ELAVL3: variants seen among roughly 807,000 people sequenced by gnomAD.
ELAVL3 encodes ELAV-like protein 3.
In ELAVL3, 8 loss-of-function variants were observed where a neutral mutation model predicts 34.2. That is an observed-to-expected ratio of 0.23 (90% CI 0.14 to 0.42). The LOEUF (loss-of-function observed/expected upper bound fraction) is 0.42. Ranked by LOEUF, ELAVL3 falls within the 10% of genes least tolerant of loss-of-function variation. The pLI, the probability that ELAVL3 is intolerant of heterozygous loss-of-function variation, is 1.00. For missense variants in ELAVL3, 273 were observed against 518.8 expected, an observed-to-expected ratio of 0.53 and a Z score of 4.60; for synonymous variants, 209 against 222.1, an observed-to-expected ratio of 0.94 and a Z score of 0.53.
At position 11,451,444 on chromosome 19, in the gene ELAVL3, C is replaced by T. The variant is rs1490304441; in HGVS notation, c.*3082G>A. 4 of 148,986 alleles carry T rather than the reference C, an allele frequency of 2.7e-5. No homozygotes were observed. Among genetic ancestry groups the T allele is most frequent in the South Asian group, 2.1e-4 (1 of 4,760 alleles). 9.2% of individuals were successfully genotyped at this position (148,986 alleles called of 1,614,324 possible). A position where few individuals can be genotyped will look rare whatever the true frequency, so the allele number is the denominator to read the frequency against. On this transcript the variant is annotated 3_prime_UTR_variant, in exon 7 of 7. Transcript: ENST00000359227. ...CCGGTAATAAATAGTCTAAACGCAA[C>T]GCGAAGTGTTCTTGTTGGGTTTTTT...
intron 1 of ELAVL3, among the ~76,000 whole-genome samples, chr19:11,477,832 G>A (rs1052922608): frequency 4.6e-5 from 7 of 151,968 alleles, no homozygotes; most frequent in African/African-American, 1.7e-4. Flanking sequence ...GGGACCACAG[G>A]TGTGCACCAT....
chr19:11,454,468 TTTCTCTCTCTC>T lies in ELAVL3; in HGVS notation c.*47_*57del. 7.6e-7 allele frequency: 1 copy of T among 1,313,600 alleles called. No homozygotes were observed. The highest frequency in any genetic ancestry group is 2.4e-5 in the Admixed American group (1 of 41,636). The allele number at this position is 1,313,600 out of a possible 1,614,324, so 81.4% of individuals were successfully genotyped here. A position where few individuals can be genotyped will look rare whatever the true frequency, so the allele number is the denominator to read the frequency against. ...GGCCCCTTCTCTCTCTCTCTCTCTC[TTTCTCTCTCTC>T]TCTCTCTGCTGCCCGGGGAGGGGGT... On this transcript the variant is annotated 3_prime_UTR_variant, in exon 7 of 7. Coordinates refer to ENST00000359227, the MANE Select transcript of ELAVL3 (RefSeq NM_001420.4). This position sits in a 1 kb window ranked among gnomAD's most constrained non-coding sequence, Gnocchi z 9.2.
Position 11,457,094 on chromosome 19 carries a change from G to A in ELAVL3, c.752+16C>T. ...GATGGTGAGGGGTGGGGACAGTGGG[G>A]CGGGGTCACTGTTACCTCTTGACGC... On this transcript the variant is annotated intron_variant, in intron 6 of 6. Coordinates refer to ENST00000359227, the MANE Select transcript of ELAVL3 (RefSeq NM_001420.4). The A allele has an allele frequency of 6.6e-7, 1 of 1,508,912 alleles. No homozygotes were observed. Among genetic ancestry groups the A allele is most frequent in the Non-Finnish European group, 8.8e-7 (1 of 1,135,336 alleles). The allele number at this position is 1,508,912 out of a possible 1,614,324, so 93.5% of individuals were successfully genotyped here. A position where few individuals can be genotyped will look rare whatever the true frequency, so the allele number is the denominator to read the frequency against.
intron 5 of ELAVL3, among the ~76,000 whole-genome samples, chr19:11,457,469 T>C (rs767512290): frequency 6.6e-6 from 1 of 152,184 alleles, no homozygotes; most frequent in Non-Finnish European, 1.5e-5. Flanking sequence ...CGACAGTAAC[T>C]ACCACAGCCA....
At chr19:11,467,951 G>T (rs1971089581) in intron 1 of ELAVL3, among the ~76,000 whole-genome samples, 1 of 151,966 alleles carries the variant, frequency 6.6e-6, no homozygotes, top group Non-Finnish European at 1.5e-5. Context: ...CACCATGTCT[G>T]GTTAATTTTA....
At chr19:11,461,480 C>T (rs1970883900) in intron 3 of ELAVL3, among the ~76,000 whole-genome samples, 1 of 137,010 alleles carries the variant, frequency 7.3e-6, no homozygotes, top group African/African-American at 3.2e-5. Context: ...CCCTCCCTCC[C>T]TTCCTTCCTT....
intron 3 of ELAVL3, among the ~76,000 whole-genome samples, chr19:11,465,198 C>T (rs530954782): frequency 1.2e-4 from 14 of 119,454 alleles, no homozygotes; most frequent in Admixed American, 5.0e-4. Flanking sequence ...TACACCTACA[C>T]GCCACACACA....
At position 11,480,476 on chromosome 19, in the gene ELAVL3, C is replaced by A. The variant is rs1046212042; in HGVS notation, c.9+124G>T. 8.6e-7 allele frequency: 1 copy of A among 1,159,488 alleles called. No homozygotes were observed. Among genetic ancestry groups the A allele is most frequent in the South Asian group, 2.2e-5 (1 of 46,350 alleles). The allele number at this position is 1,159,488 out of a possible 1,614,324, so 71.8% of individuals were successfully genotyped here. On this transcript the variant is annotated intron_variant, in intron 1 of 6. Transcript: ENST00000359227. The surrounding 1 kb of genome is among the most constrained non-coding windows in gnomAD (Gnocchi z 6.8). ...CTCAGGCCCCGAGGCTTGGTCCTAC[C>A]CCCCCAACCCGGGCCTAGCTAGGCC... is the stretch of plus-strand genomic sequence containing the variant.
At chr19:11,479,266 G>C (rs961649009) in intron 1 of ELAVL3, among the ~76,000 whole-genome samples, 1 of 152,158 alleles carries the variant, frequency 6.6e-6, no homozygotes, top group African/African-American at 2.4e-5. Flanking sequence ...TCACACAGCA[G>C]GTGAGCCAGG....
intron 1 of ELAVL3, among the ~76,000 whole-genome samples, chr19:11,471,835 CCT>C (rs1971170578): frequency 6.6e-6 from 1 of 152,224 alleles, no homozygotes; most frequent in African/African-American, 2.4e-5. Flanking sequence ...CCTGCTAGGG[CCT>C]CTGTTTCACT....
At position 11,452,049 on chromosome 19, in the gene ELAVL3, G is replaced by A. The variant is rs1004813429; in HGVS notation, c.*2477C>T. 8 of 152,216 alleles carry A rather than the reference G, an allele frequency of 5.3e-5. No homozygotes were observed. The highest frequency in any genetic ancestry group is 1.4e-4 in the African/African-American group (6 of 41,434). 9.4% of individuals were successfully genotyped at this position (152,216 alleles called of 1,614,324 possible). A position where few individuals can be genotyped will look rare whatever the true frequency, so the allele number is the denominator to read the frequency against. ...TAAAACCACGAGAATAAATAGGTTC[G>A]TGTATCAAGAACAAGCTAGGGATTT... On this transcript the variant is annotated 3_prime_UTR_variant, in exon 7 of 7. Coordinates refer to ENST00000359227, the MANE Select transcript of ELAVL3 (RefSeq NM_001420.4).
At chr19:11,461,979 T>C (rs1249411425) in intron 3 of ELAVL3, among the ~76,000 whole-genome samples, 1 of 151,718 alleles carries the variant, frequency 6.6e-6, no homozygotes, top group Admixed American at 6.6e-5. Context: ...ATCAAGACCA[T>C]CCTAGCTAAC....
intron 3 of ELAVL3, among the ~76,000 whole-genome samples, chr19:11,463,317 G>A (rs1216732656): frequency 1.3e-5 from 2 of 152,138 alleles, no homozygotes; most frequent in Non-Finnish European, 2.9e-5. Flanking sequence ...GACTGACCGC[G>A]CAACACCGTC....
At position 11,481,002 on chromosome 19, in the gene ELAVL3, ACCCT is replaced by A. The variant is rs1403202363; in HGVS notation, c.-398_-395del. The A allele has an allele frequency of 2.2e-4, 22 of 101,662 alleles. No individual in the cohort carries two copies. The highest frequency in any genetic ancestry group is 8.7e-4 in the East Asian group (4 of 4,584). The allele number at this position is 101,662 out of a possible 1,614,324, so 6.3% of individuals were successfully genotyped here. On this transcript the variant is annotated 5_prime_UTR_variant, in exon 1 of 7. Coordinates refer to ENST00000359227, the MANE Select transcript of ELAVL3 (RefSeq NM_001420.4). This position sits in a 1 kb window ranked among gnomAD's most constrained non-coding sequence, Gnocchi z 6.3. ...GTGTTCAAGTCCTCTCCCCTCGCCC[ACCCT>A]CCCTCCCTCCCTCCGGCCCGCGCTG...
chr19:11,458,143 C>A lies in ELAVL3; in HGVS notation c.631G>T (p.Gly211Trp). 1 of 1,614,136 alleles carries A rather than the reference C, an allele frequency of 6.2e-7. No homozygotes were observed. The highest frequency in any genetic ancestry group is 8.5e-7 in the Non-Finnish European group (1 of 1,180,030). Residue 211 changes from glycine (G) to tryptophan (W), a missense_variant, in exon 5 of 7, where the codon GGG (glycine) becomes TGG (tryptophan). By Grantham distance (184) the Gly-to-Trp change is radical (BLOSUM62 -2). Transcript: ENST00000359227. The surrounding 1 kb of genome is among the most constrained non-coding windows in gnomAD (Gnocchi z 7.3). ...KFANNPSQKT[G>W]QALLTHLYQS... ...TAGAGGTGGGTGAGCAGCGCCTGCC[C>A]CGTCTTCTGACTTGGGTTGTTCGCG...
rs779125312 is a variant in ELAVL3 at position 11,474,734 on chromosome 19, C to T, written c.9+5866G>A. On this transcript the variant is annotated intron_variant, in intron 1 of 6. Coordinates refer to ENST00000359227, the MANE Select transcript of ELAVL3 (RefSeq NM_001420.4). ...AGGTGCAATCGTAGTGCACTGCAGC[C>T]TCCAACTCCTGGACTCAAGCAATCC... Among the ~76,000 whole-genome samples, 20 of 152,204 alleles carry T rather than the reference C, an allele frequency of 1.3e-4. 1 individual carries two copies. The highest frequency in any genetic ancestry group is 2.8e-4 in the Non-Finnish European group (19 of 68,046).
intron 3 of ELAVL3, among the ~76,000 whole-genome samples, chr19:11,462,988 G>T (rs1329729109): frequency 6.7e-6 from 1 of 148,622 alleles, no homozygotes; most frequent in Non-Finnish European, 1.5e-5. Context: ...AAGAAAGAAA[G>T]AAATCATGTC....
intron 1 of ELAVL3, among the ~76,000 whole-genome samples, chr19:11,468,599 A>G (rs779074638): frequency 6.6e-6 from 1 of 151,382 alleles, no homozygotes; most frequent in Non-Finnish European, 1.5e-5. Context: ...GTGTGTTTTT[A>G]GTAGAGACGG....
At chr19:11,459,280 G>A (rs957197146) in intron 3 of ELAVL3, among the ~76,000 whole-genome samples, 6 of 151,618 alleles carry the variant, frequency 4.0e-5, no homozygotes, top group Admixed American at 6.6e-5. Flanking sequence ...CCACCACCAC[G>A]CCTAGCTAAT....
Sources: gnomAD v4.1 joint callset for allele counts (sites outside exome capture counted in the v4.1 genomes callset) on GRCh38, gnomAD v4.1.1 for gene constraint, Gnocchi (gnomAD v3.1) non-coding constraint, MANE v1.5 for transcripts, NCBI Gene and HGNC (gene_info 2026-07-23, HGNC 2026-07-21) for gene names.